TCERG1: variants seen among roughly 807,000 people sequenced by gnomAD.
The protein encoded by TCERG1 is TATA box binding protein (TBP)-associated factor, RNA polymerase II, S, 150kD.
In TCERG1, 37 loss-of-function variants were observed where a neutral mutation model predicts 144.7. The observed-to-expected ratio is 0.26, with a 90% CI of 0.20 to 0.34. The LOEUF (loss-of-function observed/expected upper bound fraction) is 0.34, where lower values mean the gene tolerates loss of function less well. TCERG1 is among the 10% of genes least tolerant of loss of function. The pLI is 1.00. For synonymous variants in TCERG1, 492 were observed against 458.2 expected (o/e 1.07, Z -0.94); for missense variants, 1,027 against 1,380.7 (o/e 0.74, Z 4.06).
Position 146,510,652 on chromosome 5 carries a change from C to T in TCERG1, c.*10C>T, listed in dbSNP as rs769604013. On this transcript the variant is annotated 3_prime_UTR_variant, in exon 23 of 23. Coordinates refer to ENST00000679501, the MANE Select transcript of TCERG1 (RefSeq NM_001382548.1). ...ACGATCAACAAAATAATTCTAAATA[C>T]TCTTCCATAGGGGCATCTATTCAAA... 32 of 1,610,316 alleles carry T rather than the reference C, an allele frequency of 2.0e-5. 3 individuals are homozygous for T. The South Asian group carries it at 3.3e-4, about 17-fold the overall frequency.
Position 146,482,682 on chromosome 5 carries a change from G to A in TCERG1, c.2028G>A (p.Leu676=). ...CCCGAGAAAGGGCCATTGTCCCTCT[G>A]GAGGCTCGAATGAAGCAGTTCAAGG... The part of the protein sequence containing the change: ...KAARERAIVP[L]EARMKQFKDM... The change falls in exon 14 of 23, where the codon CTG becomes CTA. Residue 676 remains leucine, a synonymous_variant. Transcript: ENST00000679501. 6.2e-7 allele frequency: 1 copy of A among 1,613,348 alleles called. No individual in the cohort carries two copies. The highest frequency in any genetic ancestry group is 8.5e-7 in the Non-Finnish European group (1 of 1,179,538).
chr5:146,507,550 A>G lies in TCERG1; in HGVS notation c.2962-323A>G. 1 of 324,900 alleles carries G rather than the reference A, an allele frequency of 3.1e-6. No individual in the cohort carries two copies. The highest frequency in any genetic ancestry group is 5.3e-5 in the East Asian group (1 of 18,884). 20.1% of individuals were successfully genotyped at this position (324,900 alleles called of 1,614,324 possible). On this transcript the variant is annotated intron_variant, in intron 20 of 22. Coordinates refer to ENST00000679501, the MANE Select transcript of TCERG1 (RefSeq NM_001382548.1). This position sits in a 1 kb window ranked among gnomAD's most constrained non-coding sequence, Gnocchi z 4.6. ...TGTTCGGCAGTTTGTACGCTTTGTT[A>G]TCCAGGTTTTGTTCCTTTTTATTTG...
intron 16 of TCERG1, among the ~76,000 whole-genome samples, chr5:146,495,397 A>C (rs905294310): frequency 1.3e-5 from 2 of 152,212 alleles, no homozygotes; most frequent in Admixed American, 6.5e-5. Flanking sequence ...TATAAACTGA[A>C]GGGCTTAATT....
chr5:146,497,818 A>C (rs2150795339), intron 16 of TCERG1, among the ~76,000 whole-genome samples: 1 of 152,200 alleles, frequency 6.6e-6, no homozygotes, highest in Middle Eastern at 3.4e-3. Context: ...TCCCTTTAAT[A>C]CTACTGACTC....
At position 146,459,059 on chromosome 5, in the gene TCERG1, C is replaced by T. The variant is rs928448336; in HGVS notation, c.614C>T (p.Ala205Val). The T allele has an allele frequency of 6.3e-7, 1 of 1,598,426 alleles. No homozygotes were observed. Among genetic ancestry groups the T allele is most frequent in the Middle Eastern group, 1.7e-4 (1 of 6,016 alleles). ...GCTCAGGCCCAGGCACAAGCTCAGG[C>T]CCAGGCTCAGGCTCAGGCCCAGGCC... is the stretch of plus-strand genomic sequence containing the variant. ...AQAQAQAQAQ[A>V]QAQAQAQAQA... is the part of the protein sequence containing the mutation. The change falls in exon 4 of 23, where the codon GCC (alanine) becomes GTC (valine). Residue 205 changes from alanine to valine, a missense_variant. Physicochemically the swap from Ala to Val is moderately conservative, Grantham distance 64 (BLOSUM62 0). This residue lies in a region of TCERG1 where 48 missense variants were observed against 80.9 expected (regional missense o/e 0.59). Coordinates refer to ENST00000679501, the MANE Select transcript of TCERG1 (RefSeq NM_001382548.1).
At chr5:146,495,691 G>A (rs1334545290) in intron 16 of TCERG1, among the ~76,000 whole-genome samples, 1 of 152,144 alleles carries the variant, frequency 6.6e-6, no homozygotes, top group East Asian at 1.9e-4. Flanking sequence ...GTTCTAAATT[G>A]AGATTAACTG....
At chr5:146,494,510 A>G (rs1186752166) in intron 16 of TCERG1, among the ~76,000 whole-genome samples, 1 of 152,144 alleles carries the variant, frequency 6.6e-6, no homozygotes, top group Non-Finnish European at 1.5e-5. Context: ...AGTGATCTGT[A>G]TTATGCAGGT....
intron 2 of TCERG1, 111 bp downstream of exon 2, chr5:146,455,392 G>A: frequency 8.2e-7 from 1 of 1,219,118 alleles, no homozygotes; most frequent in Non-Finnish European, 1.1e-6. Context: ...TAGGAAAATG[G>A]GAGCTAAAGA....
At chr5:146,471,087 T>C (rs1053680501) in intron 8 of TCERG1, among the ~76,000 whole-genome samples, 3 of 152,256 alleles carry the variant, frequency 2.0e-5, no homozygotes, top group African/African-American at 7.2e-5. Flanking sequence ...TCCTTTCTGC[T>C]GTTGTGTTCT....
intron 9 of TCERG1, 31 bp from the exon 10 acceptor site, chr5:146,478,462 T>C (rs1765051468): frequency 6.5e-7 from 1 of 1,549,224 alleles, no homozygotes; most frequent in South Asian, 1.3e-5. Flanking sequence ...TTCTGTAACA[T>C]AAGAGAATGA....
chr5:146,454,762 T>A (rs528148194), intron 1 of TCERG1, among the ~76,000 whole-genome samples: 17 of 152,108 alleles, frequency 1.1e-4, no homozygotes, highest in African/African-American at 3.6e-4. Context: ...CATACCTGGC[T>A]GATTTTTGTA....
At chr5:146,501,004 CAAAAAA>C (rs56318938) in intron 17 of TCERG1, among the ~76,000 whole-genome samples, 6 of 132,420 alleles carry the variant, frequency 4.5e-5, no homozygotes, top group African/African-American at 1.7e-4. Flanking sequence ...GGGATTCTTT[CAAAAAA>C]AAAAAAAAAG....
intron 10 of TCERG1, 54 bp from the exon 11 acceptor site, chr5:146,479,801 T>A (rs1365207520): frequency 1.3e-6 from 2 of 1,586,378 alleles, no homozygotes; most frequent in African/African-American, 2.7e-5. Context: ...AAAAGAAAAG[T>A]TTGTGAAATA....
At chr5:146,501,035 T>C (rs1474284803) in intron 17 of TCERG1, among the ~76,000 whole-genome samples, 1 of 151,992 alleles carries the variant, frequency 6.6e-6, no homozygotes, top group Non-Finnish European at 1.5e-5. Context: ...AAAAGTCTAC[T>C]TATTTTGTTT....
chr5:146,506,957 T>C, intron 19 of TCERG1, 71 bp from the exon 20 acceptor site: 1 of 1,306,440 alleles, frequency 7.7e-7, no homozygotes. Flanking sequence ...AATGCTGCAG[T>C]GGACATGGAA....
intron 15 of TCERG1, among the ~76,000 whole-genome samples, chr5:146,488,409 C>A (rs1766058015): frequency 6.6e-6 from 1 of 152,004 alleles, no homozygotes; most frequent in African/African-American, 2.4e-5. Flanking sequence ...ATCTTACTAA[C>A]AAATGGGCAG....
At chr5:146,468,555 T>G in intron 6 of TCERG1, 152 bp downstream of exon 6, 1 of 595,864 alleles carries the variant, frequency 1.7e-6, no homozygotes, top group Admixed American at 3.9e-5. Flanking sequence ...TTGTCATATT[T>G]GGCCAACACT....
intron 5 of TCERG1, among the ~76,000 whole-genome samples, chr5:146,466,163 A>G (rs1038511492): frequency 6.6e-6 from 1 of 152,358 alleles, no homozygotes; most frequent in East Asian, 1.9e-4. Flanking sequence ...AGGACAAAGA[A>G]GACTTGTTTT....
rs1243668834 is a variant in TCERG1, at chr5:146,467,886, G to A, written c.1136-455G>A. Among the ~76,000 whole-genome samples the A allele has an allele frequency of 2.6e-5, 4 of 152,086 alleles. No individual in the cohort carries two copies. The East Asian group carries it at 7.7e-4, about 29-fold the overall frequency. ...ATTCCTTTTTTACTTCTGCATGGTT[G>A]TACTCCATGCCTCAGCTCCTGCATG... On this transcript the variant is annotated intron_variant, in intron 5 of 22. Transcript: ENST00000679501.
Sources: allele counts gnomAD v4.1 joint callset (sites outside exome capture counted in the v4.1 genomes callset), GRCh38; gene constraint gnomAD v4.1.1; regional missense constraint gnomAD v4.1.1; non-coding constraint Gnocchi (gnomAD v3.1); transcripts MANE v1.5; gene names NCBI Gene and HGNC (gene_info 2026-07-23, HGNC 2026-07-21).